PDK1: variants seen among roughly 807,000 people sequenced by gnomAD.
The protein encoded by PDK1 is pyruvate dehydrogenase kinase 1, also known as [Pyruvate dehydrogenase (acetyl-transferring)] kinase isozyme 1, mitochondrial.
Under a neutral mutation model 54.2 loss-of-function variants are expected in PDK1, and 39 were observed. That is an observed-to-expected ratio of 0.72 (90% CI 0.56 to 0.94). The LOEUF is 0.94. Ranked by LOEUF, PDK1 falls within the 40% of genes least tolerant of loss-of-function variation. The pLI, the probability that PDK1 is intolerant of heterozygous loss-of-function variation, is 0.00. For synonymous variants in PDK1, 221 were observed against 207.1 expected, an observed-to-expected ratio of 1.07 and a Z score of -0.58; for missense variants, 552 against 566.0, an observed-to-expected ratio of 0.98 and a Z score of 0.25.
At chr2:172,571,069 C>A in intron 8 of PDK1, among the ~76,000 whole-genome samples, 1 of 152,120 alleles carries the variant, frequency 6.6e-6, no homozygotes, top group East Asian at 1.9e-4. Context: ...TGGAGACAGA[C>A]AATTTATCAT....
intron 9 of PDK1, among the ~76,000 whole-genome samples, chr2:172,592,284 CT>C (rs1690631873): frequency 6.6e-6 from 1 of 152,072 alleles, no homozygotes; most frequent in South Asian, 2.1e-4. Context: ...ACTGTTTTTT[CT>C]TTACTACTTC....
At chr2:172,568,930 C>A in intron 7 of PDK1, 113 bp downstream of exon 7, 1 of 682,006 alleles carries the variant, frequency 1.5e-6, no homozygotes, top group Non-Finnish European at 2.7e-6. Flanking sequence ...CATTTCACAT[C>A]AGTATCATAT....
chr2:172,641,315 G>A, the PDK1 span, among the ~76,000 whole-genome samples: 1 of 151,838 alleles, frequency 6.6e-6, no homozygotes, highest in African/African-American at 2.4e-5. Context: ...TCCTTTTTGT[G>A]GAGACGGGGT....
chr2:172,690,689 A>G, the PDK1 span, among the ~76,000 whole-genome samples: 1 of 150,232 alleles, frequency 6.7e-6, no homozygotes, highest in African/African-American at 2.4e-5. Context: ...GGATGAGTTC[A>G]TGTCCTTTGC....
At chr2:172,723,845 A>C in the PDK1 span, 2 of 152,232 alleles carry the variant, frequency 1.3e-5, no homozygotes, top group Non-Finnish European at 2.9e-5. Flanking sequence ...CATTACACTT[A>C]AAGAGATGTG....
rs1013526976 is a variant in PDK1 at position 172,601,153 on chromosome 2, A to G, written c.*5184A>G. 2.0e-5 allele frequency: 3 copies of G among 152,190 alleles called. No individual in the cohort carries two copies. The highest frequency in any genetic ancestry group is 7.2e-5 in the African/African-American group (3 of 41,456). 9.4% of individuals were successfully genotyped at this position (152,190 alleles called of 1,614,324 possible). A position where few individuals can be genotyped will look rare whatever the true frequency, so the allele number is the denominator to read the frequency against. ...AAATACATAAGGAATAATGAACTTA[A>G]TAACATTTTTTTCCATTCTCAAAAT... On this transcript the variant is annotated 3_prime_UTR_variant, in exon 11 of 11. Coordinates refer to ENST00000282077, the MANE Select transcript of PDK1 (RefSeq NM_002610.5).
the PDK1 span, among the ~76,000 whole-genome samples, chr2:172,649,687 G>A: frequency 0.017 from 2,617 of 152,260 alleles, 74 homozygotes; most frequent in African/African-American, 0.059. Flanking sequence ...ACTACGTGAC[G>A]CATGCACAAG....
intron 9 of PDK1, among the ~76,000 whole-genome samples, chr2:172,589,007 C>T (rs1014224648): frequency 6.6e-5 from 10 of 152,296 alleles, no homozygotes; most frequent in South Asian, 2.1e-4. Context: ...AGTAGGAAAA[C>T]GGCAGCTTAC....
At chr2:172,583,238 G>A (rs543119728) in intron 8 of PDK1, among the ~76,000 whole-genome samples, 1 of 147,590 alleles carries the variant, frequency 6.8e-6, no homozygotes, top group Non-Finnish European at 1.5e-5. Flanking sequence ...ACTTTACAGG[G>A]CCAAGAGCAA....
chr2:172,570,383 A>G (rs1199025878), intron 7 of PDK1, among the ~76,000 whole-genome samples: 1 of 152,236 alleles, frequency 6.6e-6, no homozygotes, highest in African/African-American at 2.4e-5. Context: ...CTAAAAATAT[A>G]GCTGAAACTA....
In PDK1 at chr2:172,556,117, C is replaced by A. The variant is rs553639134; in HGVS notation, c.-34C>A. ...TCGGCAGAGGCGCGGGGAAACCTGG[C>A]GTACTGGCTGTGGCTTCTCTAGCGG... On this transcript the variant is annotated 5_prime_UTR_variant, in exon 1 of 11. Coordinates refer to ENST00000282077, the MANE Select transcript of PDK1 (RefSeq NM_002610.5). The A allele has an allele frequency of 1.8e-5, 24 of 1,358,674 alleles. No individual in the cohort carries two copies. The highest frequency in any genetic ancestry group is 2.2e-5 in the Non-Finnish European group (23 of 1,058,490). 84.2% of individuals were successfully genotyped at this position (1,358,674 alleles called of 1,614,324 possible). A position where few individuals can be genotyped will look rare whatever the true frequency, so the allele number is the denominator to read the frequency against.
chr2:172,679,000 C>T, the PDK1 span: 1 of 152,144 alleles, frequency 6.6e-6, no homozygotes, highest in African/African-American at 2.4e-5. Context: ...GACTCTGTCG[C>T]AGAGATTTCT....
chr2:172,593,407 G>A (rs1190235597), intron 10 of PDK1, among the ~76,000 whole-genome samples: 2 of 152,124 alleles, frequency 1.3e-5, no homozygotes, highest in African/African-American at 4.8e-5. Flanking sequence ...TGGGTCTGCA[G>A]ATTGGAGTGT....
At chr2:172,686,050 T>G in the PDK1 span, among the ~76,000 whole-genome samples, 1 of 152,226 alleles carries the variant, frequency 6.6e-6, no homozygotes, top group Non-Finnish European at 1.5e-5. Context: ...ATTTAACCAC[T>G]GAAGACTTGT....
At chr2:172,564,896 T>A in intron 4 of PDK1, 82 bp from the exon 5 acceptor site, 1 of 1,029,800 alleles carries the variant, frequency 9.7e-7, no homozygotes, top group Non-Finnish European at 1.5e-6. Flanking sequence ...TTCTGTTTGG[T>A]ACAATTTAAA....
chr2:172,590,993 G>A (rs1690543479), intron 9 of PDK1, among the ~76,000 whole-genome samples: 1 of 152,160 alleles, frequency 6.6e-6, no homozygotes, highest in Non-Finnish European at 1.5e-5. Context: ...CTTCTTGCTG[G>A]ATAGGGGCAA....
chr2:172,556,577 A>T (rs1688341153), intron 1 of PDK1: 1 of 383,532 alleles, frequency 2.6e-6, no homozygotes, highest in African/African-American at 2.1e-5. Context: ...TGTTGAAAAC[A>T]AACCAGCTGG....
the PDK1 span, among the ~76,000 whole-genome samples, chr2:172,642,808 CCTT>C: frequency 0.016 from 2,257 of 144,732 alleles, 40 homozygotes; most frequent in African/African-American, 0.053. Context: ...TCCTCCTCCT[CCTT>C]CTTCTTCTCT....
upstream of PDK1, chr2:172,556,034 C>A: frequency 1.4e-6 from 1 of 732,876 alleles, no homozygotes; most frequent in Non-Finnish European, 2.0e-6. Context: ...AGGGTGGGGG[C>A]CGCGCCGGTG....
Sources: allele counts gnomAD v4.1 joint callset (sites outside exome capture counted in the v4.1 genomes callset), GRCh38; gene constraint gnomAD v4.1.1; transcripts MANE v1.5; gene names NCBI Gene and HGNC (gene_info 2026-07-23, HGNC 2026-07-21).